The following EXO1 variants were observed in gnomAD, a reference collection of about 807,000 sequenced individuals.
EXO1 encodes the protein exonuclease 1.
A neutral mutation model predicts 84.5 loss-of-function variants in EXO1; 69 were observed. That is an observed-to-expected ratio of 0.82 (90% confidence interval 0.67 to 1.00). The LOEUF (loss-of-function observed/expected upper bound fraction) is 1.00, where lower values mean the gene tolerates loss of function less well. Among genes scored for constraint, EXO1 ranks in the 50% least tolerant of loss-of-function variants. The pLI is 0.00. For missense variants in EXO1, 1,045 were observed against 1,000.7 expected (o/e 1.04, Z -0.60); for synonymous variants, 373 against 366.1 (o/e 1.02, Z -0.21).
chr1:241,885,087 G>A (rs890109895), intron 14 of EXO1, among the ~76,000 whole-genome samples: 1 of 151,876 alleles, frequency 6.6e-6, no homozygotes, highest in African/African-American at 2.4e-5. Flanking sequence ...GGTGCCTGTA[G>A]TCCCAGCTAC....
Position 241,866,938 on chromosome 1 carries a change from G to C in EXO1, c.1150G>C (p.Val384Leu). 3 of 1,614,028 alleles carry C rather than the reference G, an allele frequency of 1.9e-6. No individual in the cohort carries two copies. Among genetic ancestry groups the C allele is most frequent in the Non-Finnish European group, 2.5e-6 (3 of 1,179,918 alleles). The change falls in exon 11 of 16, where the codon GTT becomes CTT. Residue 384 changes from valine to leucine, a missense_variant. Val to Leu is a conservative substitution (Grantham distance 32, BLOSUM62 1). Coordinates refer to ENST00000366548, the MANE Select transcript of EXO1 (RefSeq NM_130398.4). ...CTCTCCCAGACCAGAGTCGGGTACT[G>C]TTTCAGATGCCCCACAATTGAAGGA... ...NYSPRPESGT[V>L]SDAPQLKENP... is the part of the protein sequence containing the mutation.
intron 12 of EXO1, among the ~76,000 whole-genome samples, chr1:241,874,827 G>A (rs1438377664): frequency 6.6e-6 from 1 of 152,148 alleles, no homozygotes. Flanking sequence ...CATACAGTAA[G>A]TAACTCGTAT....
At chr1:241,871,910 A>AAT (rs1558136994) in intron 11 of EXO1, 122 bp from the exon 12 acceptor site, 5 of 562,372 alleles carry the variant, frequency 8.9e-6, no homozygotes, top group Non-Finnish European at 1.5e-5. Context: ...TCTGAGGCAT[A>AAT]GTTTTTTTTT....
chr1:241,853,576 T>TATGATGAATTATG, intron 6 of EXO1, 95 bp downstream of exon 6: 1 of 1,375,052 alleles, frequency 7.3e-7, no homozygotes, highest in Non-Finnish European at 1.0e-6. Context: ...AAAATTGTTC[T>TATGATGAATTATG]AGGCCTAACC....
At chr1:241,855,504 G>C (rs531322995) in intron 6 of EXO1, among the ~76,000 whole-genome samples, 28 of 152,360 alleles carry the variant, frequency 1.8e-4, no homozygotes, top group African/African-American at 5.8e-4. Context: ...AGACTCAGGA[G>C]CCCAGCTGGC....
intron 8 of EXO1, among the ~76,000 whole-genome samples, chr1:241,859,331 A>C (rs955417273): frequency 6.6e-6 from 1 of 152,200 alleles, no homozygotes; most frequent in Admixed American, 6.5e-5. Flanking sequence ...GTTCGTATAC[A>C]AGTTGAACAT....
At chr1:241,865,162 C>T (rs1430681432) in intron 10 of EXO1, among the ~76,000 whole-genome samples, 2 of 149,766 alleles carry the variant, frequency 1.3e-5, no homozygotes, top group East Asian at 3.9e-4. Context: ...GGAGCCACCA[C>T]ACCTGGCCAC....
intron 9 of EXO1, among the ~76,000 whole-genome samples, chr1:241,861,011 G>A (rs1172359562): frequency 6.6e-6 from 1 of 152,220 alleles, no homozygotes; most frequent in Non-Finnish European, 1.5e-5. Flanking sequence ...CCTCCTCGTG[G>A]CAAGCAAGCT....
At chr1:241,856,134 T>C (rs1002095932) in intron 6 of EXO1, among the ~76,000 whole-genome samples, 26 of 152,174 alleles carry the variant, frequency 1.7e-4, no homozygotes, top group Middle Eastern at 3.2e-3. Context: ...ACGCTGTCAC[T>C]TCTCAAAAGG....
At chr1:241,871,710 T>C (rs1002545506) in intron 11 of EXO1, among the ~76,000 whole-genome samples, 2 of 152,264 alleles carry the variant, frequency 1.3e-5, no homozygotes, top group South Asian at 2.1e-4. Flanking sequence ...TTTTTTTATA[T>C]TCAAAATTAG....
chr1:241,862,436 GC>G (rs1281042529), intron 10 of EXO1, among the ~76,000 whole-genome samples: 14 of 152,068 alleles, frequency 9.2e-5, no homozygotes, highest in African/African-American at 3.4e-4. Context: ...CCAGTCTCTC[GC>G]CTGTGCACCA....
chr1:241,852,381 C>T lies in EXO1; in HGVS notation c.251C>T (p.Ser84Phe), dbSNP rs1316751501. ...GTATTTGATGGATGTACTTTACCTT[C>T]TAAAAAGGAAGTAGAGAGATCTAGA... ...ILVFDGCTLP[S>F]KKEVERSRRE... The change falls in exon 5 of 16, where the codon TCT becomes TTT. Residue 84 changes from serine to phenylalanine, a missense_variant. By Grantham distance (155) the Ser-to-Phe change is radical (BLOSUM62 -2). Coordinates refer to ENST00000366548, the MANE Select transcript of EXO1 (RefSeq NM_130398.4). The T allele has an allele frequency of 6.3e-7, 1 of 1,593,762 alleles. No homozygotes were observed. Among genetic ancestry groups the T allele is most frequent in the East Asian group, 2.2e-5 (1 of 44,762 alleles).
At chr1:241,865,798 A>C (rs1281818483) in intron 10 of EXO1, among the ~76,000 whole-genome samples, 1 of 152,198 alleles carries the variant, frequency 6.6e-6, no homozygotes, top group Non-Finnish European at 1.5e-5. Context: ...CATCAGTGGG[A>C]TCTAATGCCA....
chr1:241,874,833 C>G (rs1165945287), intron 12 of EXO1, among the ~76,000 whole-genome samples: 1 of 152,096 alleles, frequency 6.6e-6, no homozygotes. Flanking sequence ...GTAAGTAACT[C>G]GTATTATGTT....
chr1:241,888,934 G>A (rs1663218140), intron 15 of EXO1, among the ~76,000 whole-genome samples: 1 of 152,146 alleles, frequency 6.6e-6, no homozygotes, highest in Admixed American at 6.6e-5. Flanking sequence ...AATTAGCCAG[G>A]TGTGGTGGTG....
Position 241,889,870 on chromosome 1 carries a change from TTATAAAA to T in EXO1, c.*271_*277del. The T allele has an allele frequency of 2.3e-6, 1 of 437,032 alleles. No homozygotes were observed. Among genetic ancestry groups the T allele is most frequent in the Non-Finnish European group, 4.2e-6 (1 of 239,552 alleles). The allele number at this position is 437,032 out of a possible 1,614,324, so 27.1% of individuals were successfully genotyped here. A position where few individuals can be genotyped will look rare whatever the true frequency, so the allele number is the denominator to read the frequency against. On this transcript the variant is annotated 3_prime_UTR_variant, in exon 16 of 16. Transcript: ENST00000366548. ...GTTAATTGGGAAAATCCTCTGGAGT[TTATAAAA>T]GTCTACTCTAAATATTTCTGTAATG...
Position 241,872,368 on chromosome 1 carries a change from A to C in EXO1, c.1514+90A>C, listed in dbSNP as rs1487332061. The C allele has an allele frequency of 5.0e-6, 7 of 1,405,368 alleles. No homozygotes were observed. The Admixed American group carries it at 8.5e-5, about 17-fold the overall frequency. 87.1% of individuals were successfully genotyped at this position (1,405,368 alleles called of 1,614,324 possible). Reference sequence around the variant, plus strand: ...GTCTTTTTTTAGAATTAATTTATTTATTATACTTTAAGTTCTGGGGTACAT... The same window carrying C: ...GTCTTTTTTTAGAATTAATTTATTTCTTATACTTTAAGTTCTGGGGTACAT... On this transcript the variant is annotated intron_variant, in intron 12 of 15. Coordinates refer to ENST00000366548, the MANE Select transcript of EXO1 (RefSeq NM_130398.4).
chr1:241,883,978 C>T (rs1196761515), intron 14 of EXO1, among the ~76,000 whole-genome samples: 2 of 152,062 alleles, frequency 1.3e-5, no homozygotes, highest in South Asian at 2.1e-4. Context: ...TTTTGGTGAC[C>T]CTTCAGGTGA....
chr1:241,873,724 G>A (rs752362750), intron 12 of EXO1, among the ~76,000 whole-genome samples: 1 of 152,182 alleles, frequency 6.6e-6, no homozygotes, highest in Non-Finnish European at 1.5e-5. Context: ...AGTATGGTGA[G>A]TACAGAGATA....
Sources: allele counts gnomAD v4.1 joint callset (sites outside exome capture counted in the v4.1 genomes callset), GRCh38; gene constraint gnomAD v4.1.1; transcripts MANE v1.5; gene names NCBI Gene and HGNC (gene_info 2026-07-23, HGNC 2026-07-21).